Variants in KLHL29 observed in about 807,000 individuals in gnomAD.
KLHL29 encodes kelch like family member 29.
In KLHL29, 21 loss-of-function variants were observed where a neutral mutation model predicts 80.4. The ratio of observed to expected loss-of-function variants is 0.26; its 90% confidence interval spans 0.19 to 0.38. KLHL29 has a LOEUF of 0.38. KLHL29 is among the 10% of genes least tolerant of loss of function. KLHL29 has a pLI of 1.00. For missense variants in KLHL29, 867 were observed against 1,223.9 expected, an observed-to-expected ratio of 0.71 and a Z score of 4.35; for synonymous variants, 511 against 526.8, an observed-to-expected ratio of 0.97 and a Z score of 0.41.
chr2:23,417,376 G>A lies in KLHL29; in HGVS notation c.-154+31596G>A, dbSNP rs559079000. Among the ~76,000 whole-genome samples the A allele has an allele frequency of 4.6e-5, 7 of 152,290 alleles. No homozygotes were observed. In the East Asian group the frequency reaches 7.7e-4, roughly 17 times the overall value. ...TCATGTGTGGCTGCATGGAGTGACC[G>A]AAGTGAATCATCTGCCTGCAAGCGT... is the stretch of plus-strand genomic sequence containing the variant. On this transcript the variant is annotated intron_variant, in intron 1 of 13. Coordinates refer to ENST00000486442, the MANE Select transcript of KLHL29 (RefSeq NM_052920.2).
At chr2:23,512,995 G>C (rs1665818538) in intron 2 of KLHL29, among the ~76,000 whole-genome samples, 1 of 152,264 alleles carries the variant, frequency 6.6e-6, no homozygotes, top group African/African-American at 2.4e-5. Context: ...ATGTGGCTCA[G>C]GAGGCTTGGG....
intron 3 of KLHL29, among the ~76,000 whole-genome samples, chr2:23,626,933 C>G (rs961759331): frequency 1.3e-5 from 2 of 152,190 alleles, no homozygotes; most frequent in African/African-American, 2.4e-5. Context: ...GGGCCAGGCC[C>G]AACCTCCTCA....
chr2:23,485,464 C>T (rs1664909956), intron 2 of KLHL29, among the ~76,000 whole-genome samples: 1 of 152,212 alleles, frequency 6.6e-6, no homozygotes. Context: ...CCCTGCTCTC[C>T]CAAGGCCACC....
At chr2:23,416,973 C>T (rs887494897) in intron 1 of KLHL29, among the ~76,000 whole-genome samples, 4 of 152,312 alleles carry the variant, frequency 2.6e-5, no homozygotes, top group African/African-American at 9.6e-5. Context: ...TGATCTCAAG[C>T]CTCTTTTCCC....
rs1459871057 is a variant in KLHL29, at chr2:23,695,287, T to A, written c.1543-336T>A. Among the ~76,000 whole-genome samples, 2 of 152,146 alleles carry A rather than the reference T, an allele frequency of 1.3e-5. No individual in the cohort carries two copies. The highest frequency in any genetic ancestry group is 1.5e-5 in the Non-Finnish European group (1 of 68,008). ...CTTCCTCATTTTAACCCCTCGCCCC[T>A]GCCCCCAGTGGCCTGATCTGCAGCA... On this transcript the variant is annotated intron_variant, in intron 8 of 13. Transcript: ENST00000486442. The surrounding 1 kb of genome is among the most constrained non-coding windows in gnomAD (Gnocchi z 7.6).
At chr2:23,699,759 C>T (rs1039879792) in intron 11 of KLHL29, among the ~76,000 whole-genome samples, 7 of 152,232 alleles carry the variant, frequency 4.6e-5, no homozygotes, top group Admixed American at 4.6e-4. Context: ...GGCCCCACCA[C>T]ACGAGAAGGG....
Position 23,642,411 on chromosome 2 carries a change from C to A in KLHL29, c.501C>A (p.Ala167=), listed in dbSNP as rs1410676555. Residue 167 remains alanine (A), a synonymous_variant, in exon 5 of 14, where the codon GCC becomes GCA. Transcript: ENST00000486442. The part of the protein sequence containing the change: ...PTLIAHSYGV[A]QPPTFSPAVN... ...TGATTGCACACTCCTATGGAGTGGC[C>A]CAGCCTCCCACCTTCAGCCCGGCTG... The A allele has an allele frequency of 1.3e-6, 2 of 1,484,266 alleles. No individual in the cohort carries two copies. Among genetic ancestry groups the A allele is most frequent in the Admixed American group, 4.6e-5 (2 of 43,438 alleles). 91.9% of individuals were successfully genotyped at this position (1,484,266 alleles called of 1,614,324 possible). A position where few individuals can be genotyped will look rare whatever the true frequency, so the allele number is the denominator to read the frequency against.
At chr2:23,701,792 GCTT>G (rs1672392198) in intron 11 of KLHL29, among the ~76,000 whole-genome samples, 1 of 35,236 alleles carries the variant, frequency 2.8e-5, no homozygotes, top group African/African-American at 8.5e-5. Flanking sequence ...GCTTTTTTTT[GCTT>G]TTTTTTTTTT....
intron 1 of KLHL29, among the ~76,000 whole-genome samples, chr2:23,444,450 G>A (rs10207469): frequency 0.31 from 46,440 of 151,772 alleles, 7,241 homozygotes; most frequent in South Asian, 0.4. Context: ...TCAGCCTCCC[G>A]GGTGGCTGAG....
chr2:23,624,037 T>G (rs1486260842), intron 3 of KLHL29, among the ~76,000 whole-genome samples: 1 of 152,182 alleles, frequency 6.6e-6, no homozygotes, highest in East Asian at 1.9e-4. Context: ...ATGAGTGGGT[T>G]GGCTGGGCTT....
At chr2:23,573,667 G>A (rs145941926) in intron 3 of KLHL29, among the ~76,000 whole-genome samples, 18 of 152,332 alleles carry the variant, frequency 1.2e-4, no homozygotes, top group African/African-American at 4.3e-4. Context: ...TACAAGGATC[G>A]CATGGTCCAG....
At chr2:23,575,904 G>A (rs957810512) in intron 3 of KLHL29, among the ~76,000 whole-genome samples, 6 of 152,248 alleles carry the variant, frequency 3.9e-5, no homozygotes. Flanking sequence ...GTGGATGCCA[G>A]AGCAATGGGG....
At chr2:23,478,658 A>G (rs1330272127) in intron 2 of KLHL29, among the ~76,000 whole-genome samples, 3 of 152,156 alleles carry the variant, frequency 2.0e-5, no homozygotes, top group Non-Finnish European at 4.4e-5. Flanking sequence ...GAATGGCATT[A>G]GCAGACACCT....
At chr2:23,418,879 C>T (rs956993754) in intron 1 of KLHL29, among the ~76,000 whole-genome samples, 1 of 152,200 alleles carries the variant, frequency 6.6e-6, no homozygotes, top group African/African-American at 2.4e-5. Context: ...CCCCCCTTCC[C>T]TGCCCCTTAG....
rs1279301724 is a variant in KLHL29, at chr2:23,596,559, C to T, written c.285+34078C>T. On this transcript the variant is annotated intron_variant, in intron 3 of 13. Coordinates refer to ENST00000486442, the MANE Select transcript of KLHL29 (RefSeq NM_052920.2). This position sits in a 1 kb window ranked among gnomAD's most constrained non-coding sequence, Gnocchi z 4.4. ...AAGTCTAAACAGAAAATAGACCTCA[C>T]GCTGAGTCATCCTTCTCCATAATGG... Among the ~76,000 whole-genome samples, 5 of 152,216 alleles carry T rather than the reference C, an allele frequency of 3.3e-5. No individual in the cohort carries two copies. Among genetic ancestry groups the T allele is most frequent in the African/African-American group, 1.2e-4 (5 of 41,454 alleles).
intron 3 of KLHL29, among the ~76,000 whole-genome samples, chr2:23,623,317 A>C (rs112807563): frequency 2.0e-4 from 31 of 152,206 alleles, no homozygotes; most frequent in African/African-American, 7.2e-4. Context: ...CCTGGGAGCC[A>C]TGCACCCAGG....
At position 23,436,676 on chromosome 2, in the gene KLHL29, G is replaced by A. The variant is rs369856971; in HGVS notation, c.-153-38884G>A. Reference sequence around the variant, plus strand: ...GAGGGTCTCAGGTCAAGTTAGTTACGTGGGGACTTGAAAATGCATTGGAGA... The same window carrying A: ...GAGGGTCTCAGGTCAAGTTAGTTACATGGGGACTTGAAAATGCATTGGAGA... On this transcript the variant is annotated intron_variant, in intron 1 of 13. Coordinates refer to ENST00000486442, the MANE Select transcript of KLHL29 (RefSeq NM_052920.2). Among the ~76,000 whole-genome samples the A allele has an allele frequency of 2.6e-5, 4 of 152,358 alleles. No homozygotes were observed. The East Asian group carries it at 7.7e-4, about 29-fold the overall frequency.
At chr2:23,460,297 G>A (rs1428245689) in intron 1 of KLHL29, among the ~76,000 whole-genome samples, 1 of 152,084 alleles carries the variant, frequency 6.6e-6, no homozygotes, top group African/African-American at 2.4e-5. Context: ...GTGTGTTCAC[G>A]GGGCTTATAG....
At chr2:23,661,340 T>TAAAAAAAAAAAA (rs11483622) in intron 5 of KLHL29, among the ~76,000 whole-genome samples, 36 of 134,886 alleles carry the variant, frequency 2.7e-4, no homozygotes, top group African/African-American at 9.4e-4. Context: ...AGACCCTGTC[T>TAAAAAAAAAAAA]AAAAAAAAAA....
Sources: gnomAD v4.1 joint callset for allele counts (sites outside exome capture counted in the v4.1 genomes callset) on GRCh38, gnomAD v4.1.1 for gene constraint, Gnocchi (gnomAD v3.1) non-coding constraint, MANE v1.5 for transcripts, NCBI Gene and HGNC (gene_info 2026-07-23, HGNC 2026-07-21) for gene names.